NRXN3: variants seen among roughly 807,000 people sequenced by gnomAD.
NRXN3 encodes neurexin III.
NRXN3 carries 32 observed loss-of-function variants against 137.6 expected under a neutral mutation model. The observed-to-expected ratio is 0.23, with a 90% CI of 0.18 to 0.31. NRXN3 has a LOEUF of 0.31. NRXN3 is among the 10% of genes least tolerant of loss of function. NRXN3 has a pLI of 1.00. For missense variants in NRXN3, 1,574 were observed against 2,062.5 expected, an observed-to-expected ratio of 0.76 and a Z score of 4.59; for synonymous variants, 798 against 784.5, an observed-to-expected ratio of 1.02 and a Z score of -0.29.
intron 10 of NRXN3, among the ~76,000 whole-genome samples, chr14:78,826,544 T>C (rs547815444): frequency 1.3e-5 from 2 of 152,324 alleles, no homozygotes; most frequent in East Asian, 1.9e-4. Context: ...CCCAAACTCA[T>C]TGGGTTCTAA....
intron 15 of NRXN3, among the ~76,000 whole-genome samples, chr14:79,287,828 C>T (rs915835076): frequency 2.6e-5 from 4 of 152,026 alleles, no homozygotes; most frequent in African/African-American, 9.7e-5. Flanking sequence ...TGTGTGATAC[C>T]TTGATTTCCT....
intron 1 of NRXN3, among the ~76,000 whole-genome samples, chr14:78,201,418 TTGATGGAAA>T (rs1566957703): frequency 6.6e-6 from 1 of 152,104 alleles, no homozygotes; most frequent in Non-Finnish European, 1.5e-5. Context: ...CTGGGCAACT[TTGATGGAAA>T]TGCATGTCCA....
intron 4 of NRXN3, among the ~76,000 whole-genome samples, chr14:78,585,791 G>A (rs1187871340): frequency 2.6e-5 from 4 of 152,112 alleles, no homozygotes; most frequent in African/African-American, 9.7e-5. Flanking sequence ...GGATATTAGG[G>A]GTTCAGCTTT....
Position 78,233,796 on chromosome 14 carries a change from C to G in NRXN3, c.-703-8595C>G, listed in dbSNP as rs577709273. Among the ~76,000 whole-genome samples, 8 of 151,954 alleles carry G rather than the reference C, an allele frequency of 5.3e-5. No individual in the cohort carries two copies. In the East Asian group the frequency reaches 1.5e-3, roughly 29 times the overall value. On this transcript the variant is annotated intron_variant, in intron 1 of 20. Coordinates refer to ENST00000335750, the MANE Select transcript of NRXN3 (RefSeq NM_001330195.2). ...CACCCTGACACCTCCAAAAATTTCT[C>G]CTATAGAGACTCATGTATGACTCTC...
chr14:79,603,889 C>T (rs2097959729), intron 16 of NRXN3, among the ~76,000 whole-genome samples: 2 of 150,342 alleles, frequency 1.3e-5, no homozygotes, highest in African/African-American at 4.9e-5. Flanking sequence ...ATTCTTAGAA[C>T]AATCTTCTTA....
intron 10 of NRXN3, among the ~76,000 whole-genome samples, chr14:78,886,674 A>T (rs1294436123): frequency 1.3e-5 from 2 of 152,164 alleles, no homozygotes; most frequent in African/African-American, 4.8e-5. Flanking sequence ...TGATTTCATT[A>T]AAATATTTAA....
chr14:79,182,223 G>A (rs185781907), intron 15 of NRXN3, among the ~76,000 whole-genome samples: 1 of 152,176 alleles, frequency 6.6e-6, no homozygotes, highest in African/African-American at 2.4e-5. Flanking sequence ...TTTCACCGAA[G>A]ATAATTTTTC....
At chr14:78,972,727 G>T (rs1003123806) in intron 14 of NRXN3, among the ~76,000 whole-genome samples, 4 of 152,124 alleles carry the variant, frequency 2.6e-5, no homozygotes, top group African/African-American at 4.8e-5. Flanking sequence ...CCCCATCTTT[G>T]CTGTCTCTGG....
chr14:79,620,729 C>T (rs2098214587), intron 16 of NRXN3, among the ~76,000 whole-genome samples: 1 of 151,930 alleles, frequency 6.6e-6, no homozygotes, highest in South Asian at 2.1e-4. Flanking sequence ...GAGAAACAGG[C>T]AAGCATAGAT....
Position 79,850,976 on chromosome 14 carries a change from G to T in NRXN3, c.4094-10366G>T, listed in dbSNP as rs538870231. Among the ~76,000 whole-genome samples, 10 of 152,224 alleles carry T rather than the reference G, an allele frequency of 6.6e-5. No individual in the cohort carries two copies. The East Asian group carries it at 1.5e-3, about 23-fold the overall frequency. Reference sequence around the variant, plus strand: ...TGCAAAGTGACAACCCTAAATTTTCGTATATTCAATTGTTCAAACCAGTGA... The same window carrying T: ...TGCAAAGTGACAACCCTAAATTTTCTTATATTCAATTGTTCAAACCAGTGA... On this transcript the variant is annotated intron_variant, in intron 20 of 20. Coordinates refer to ENST00000335750, the MANE Select transcript of NRXN3 (RefSeq NM_001330195.2).
At chr14:79,604,177 C>A (rs2097965730) in intron 16 of NRXN3, among the ~76,000 whole-genome samples, 2 of 151,804 alleles carry the variant, frequency 1.3e-5, no homozygotes, top group African/African-American at 4.8e-5. Flanking sequence ...AAGTGTGAGC[C>A]ACCGCGCCCT....
At chr14:78,552,656 ATC>A (rs1230934618) in intron 4 of NRXN3, among the ~76,000 whole-genome samples, 2 of 152,170 alleles carry the variant, frequency 1.3e-5, no homozygotes, top group East Asian at 1.9e-4. Flanking sequence ...ACAGGGAAAA[ATC>A]TCTGTCTCCA....
chr14:79,378,283 T>C (rs2094364677), intron 15 of NRXN3, among the ~76,000 whole-genome samples: 1 of 152,172 alleles, frequency 6.6e-6, no homozygotes, highest in African/African-American at 2.4e-5. Flanking sequence ...CACATACAAT[T>C]TGCTGCTTCC....
intron 16 of NRXN3, among the ~76,000 whole-genome samples, chr14:79,471,888 C>A (rs1281132340): frequency 6.6e-6 from 1 of 152,088 alleles, no homozygotes; most frequent in East Asian, 1.9e-4. Flanking sequence ...AGGCTTGTTA[C>A]ATAGGTAAAC....
At chr14:79,639,648 G>A (rs767582754) in intron 16 of NRXN3, among the ~76,000 whole-genome samples, 3 of 152,046 alleles carry the variant, frequency 2.0e-5, no homozygotes, top group Non-Finnish European at 2.9e-5. Flanking sequence ...ACTTTTTTTC[G>A]CTGTAGAAGA....
intron 16 of NRXN3, among the ~76,000 whole-genome samples, chr14:79,500,335 C>T (rs2096812593): frequency 6.6e-6 from 1 of 151,688 alleles, no homozygotes; most frequent in Non-Finnish European, 1.5e-5. Flanking sequence ...CACTGAGCCT[C>T]TGGTAATCCC....
intron 10 of NRXN3, among the ~76,000 whole-genome samples, chr14:78,949,105 A>AT (rs1376880149): frequency 2.0e-5 from 3 of 152,192 alleles, no homozygotes; most frequent in Admixed American, 6.5e-5. Flanking sequence ...AAAAAGCTGC[A>AT]TTTTTTCTGG....
At chr14:78,691,373 G>A (rs2098168995) in intron 6 of NRXN3, among the ~76,000 whole-genome samples, 1 of 152,062 alleles carries the variant, frequency 6.6e-6, no homozygotes, top group African/African-American at 2.4e-5. Context: ...TCTTGGAACT[G>A]TACCCTCTAG....
chr14:78,320,254 G>A (rs1325351764), intron 4 of NRXN3, among the ~76,000 whole-genome samples: 5 of 152,170 alleles, frequency 3.3e-5, no homozygotes, highest in Non-Finnish European at 7.3e-5. Flanking sequence ...TTTCTTCACC[G>A]GGATTTTCGT....
Sources: allele counts gnomAD v4.1 joint callset (sites outside exome capture counted in the v4.1 genomes callset), GRCh38; gene constraint gnomAD v4.1.1; transcripts MANE v1.5; gene names NCBI Gene and HGNC (gene_info 2026-07-23, HGNC 2026-07-21).